The following ABCC4 variants were observed in gnomAD, a reference collection of about 807,000 sequenced individuals.
The protein encoded by ABCC4 is ATP-binding cassette sub-family C member 4.
In ABCC4, 102 loss-of-function variants were observed where a neutral mutation model predicts 168.5. That is an observed-to-expected ratio of 0.61 (90% confidence interval 0.52 to 0.71). The LOEUF (loss-of-function observed/expected upper bound fraction) is 0.71. Ranked by LOEUF, ABCC4 falls within the 30% of genes least tolerant of loss-of-function variation. The pLI is 0.00. For missense variants in ABCC4, 1,402 were observed against 1,605.8 expected (o/e 0.87, Z 2.17); for synonymous variants, 617 against 590.7 (o/e 1.04, Z -0.65).
At chr13:95,235,085 C>A (rs1471240687) in intron 3 of ABCC4, among the ~76,000 whole-genome samples, 1 of 151,570 alleles carries the variant, frequency 6.6e-6, no homozygotes, top group Non-Finnish European at 1.5e-5. Context: ...AAGACAGGGT[C>A]TCACTATGTT....
At chr13:95,233,102 T>C (rs2039668834) in intron 4 of ABCC4, among the ~76,000 whole-genome samples, 1 of 152,128 alleles carries the variant, frequency 6.6e-6, no homozygotes, top group Non-Finnish European at 1.5e-5. Context: ...AGTTATTTGT[T>C]TATAGTACCT....
intron 1 of ABCC4, among the ~76,000 whole-genome samples, chr13:95,270,670 G>C (rs896384288): frequency 6.6e-6 from 1 of 152,204 alleles, no homozygotes; most frequent in African/African-American, 2.4e-5. Context: ...GTCTGGGACA[G>C]AGCATGAGAA....
intron 21 of ABCC4, 88 bp from the exon 22 acceptor site, chr13:95,075,639 A>G (rs1407550286): frequency 1.3e-6 from 2 of 1,564,814 alleles, no homozygotes; most frequent in Non-Finnish European, 1.7e-6. Context: ...CGTATCCACC[A>G]AACAGCACAC....
At chr13:95,229,088 C>T (rs747349749) in intron 4 of ABCC4, among the ~76,000 whole-genome samples, 33 of 152,012 alleles carry the variant, frequency 2.2e-4, no homozygotes, top group Non-Finnish European at 3.4e-4. Flanking sequence ...GCATTTCCCC[C>T]CAAGTTACAG....
In ABCC4 at chr13:95,178,007, T is replaced by C; in HGVS notation, c.1630A>G (p.Asn544Asp). 6.2e-7 allele frequency: 1 copy of C among 1,614,156 alleles called. No homozygotes were observed. The highest frequency in any genetic ancestry group is 8.5e-7 in the Non-Finnish European group (1 of 1,180,002). ...TGAAATGCAACTTACCTTGCAAGGT[T>C]TACCCGTGCTTTCTGCCCTCCACTC... ...TLSGGQKARV[N>D]LARAVYQDAD... Residue 544 changes from asparagine to aspartate, a missense_variant, in exon 12 of 31, where the codon AAC becomes GAC. This residue lies in a region of ABCC4 where 1,007 missense variants were observed against 1,127.3 expected (regional missense o/e 0.89). Coordinates refer to ENST00000645237, the MANE Select transcript of ABCC4 (RefSeq NM_005845.5).
intron 3 of ABCC4, among the ~76,000 whole-genome samples, chr13:95,241,218 A>C (rs1175140146): frequency 2.0e-5 from 3 of 151,878 alleles, no homozygotes; most frequent in Admixed American, 6.6e-5. Flanking sequence ...CAAAAAAATT[A>C]GCTGGGTGTG....
chr13:95,163,336 CACTT>C (rs2037160393), intron 17 of ABCC4, 120 bp from the exon 18 acceptor site: 6 of 731,854 alleles, frequency 8.2e-6, no homozygotes, highest in Non-Finnish European at 1.4e-5. Flanking sequence ...ATTCTCAGCT[CACTT>C]AGTCTTGTGT....
At chr13:95,150,630 T>C (rs2036643782) in intron 19 of ABCC4, among the ~76,000 whole-genome samples, 2 of 152,160 alleles carry the variant, frequency 1.3e-5, no homozygotes, top group Non-Finnish European at 2.9e-5. Flanking sequence ...ATGAGAACAC[T>C]CAGTGAATCA....
intron 1 of ABCC4, among the ~76,000 whole-genome samples, chr13:95,282,952 C>T (rs530340843): frequency 5.3e-5 from 8 of 152,020 alleles, no homozygotes; most frequent in Admixed American, 3.9e-4. Flanking sequence ...GGCACAGTGG[C>T]TCAAGCCTGT....
chr13:95,053,525 T>G (rs930094878), intron 26 of ABCC4, among the ~76,000 whole-genome samples: 2 of 152,196 alleles, frequency 1.3e-5, no homozygotes, highest in African/African-American at 2.4e-5. Flanking sequence ...TCTACATGAA[T>G]AGAGCTATAG....
intron 1 of ABCC4, among the ~76,000 whole-genome samples, chr13:95,287,352 G>A (rs1391946021): frequency 6.6e-6 from 1 of 152,016 alleles, no homozygotes; most frequent in East Asian, 1.9e-4. Context: ...ACTTTGGGAG[G>A]CTAAGGTGGG....
chr13:95,190,795 T>C (rs1202038534), intron 9 of ABCC4, among the ~76,000 whole-genome samples: 1 of 152,218 alleles, frequency 6.6e-6, no homozygotes, highest in Non-Finnish European at 1.5e-5. Flanking sequence ...GAATTTCTCG[T>C]GGATAGATTG....
chr13:95,137,176 T>C (rs2036168580), intron 19 of ABCC4, among the ~76,000 whole-genome samples: 1 of 152,208 alleles, frequency 6.6e-6, no homozygotes, highest in Non-Finnish European at 1.5e-5. Flanking sequence ...AAAATGTCTA[T>C]TGGCCGCTTT....
At chr13:95,240,208 G>A (rs896009586) in intron 3 of ABCC4, among the ~76,000 whole-genome samples, 2 of 152,196 alleles carry the variant, frequency 1.3e-5, no homozygotes, top group African/African-American at 4.8e-5. Flanking sequence ...CTAGACCCTG[G>A]GAATCCGTGC....
At chr13:95,117,906 T>G (rs887670853) in intron 19 of ABCC4, among the ~76,000 whole-genome samples, 62 of 151,626 alleles carry the variant, frequency 4.1e-4, no homozygotes, top group African/African-American at 1.5e-3. Context: ...TAGCGAGACC[T>G]CATCTCTACA....
At chr13:95,218,927 GAGAA>G (rs71111597) in intron 4 of ABCC4, among the ~76,000 whole-genome samples, 1,898 of 42,250 alleles carry the variant, frequency 0.045, 47 homozygotes, top group East Asian at 0.12. Context: ...GAGAAAGAAA[GAGAA>G]AGAAAGAAAG....
intron 1 of ABCC4, among the ~76,000 whole-genome samples, chr13:95,253,775 T>G (rs1379177556): frequency 6.6e-6 from 1 of 151,866 alleles, no homozygotes; most frequent in African/African-American, 2.4e-5. Flanking sequence ...AAAACAAATT[T>G]AATATAAACT....
At chr13:95,254,634 T>C (rs2040350090) in intron 1 of ABCC4, among the ~76,000 whole-genome samples, 1 of 152,208 alleles carries the variant, frequency 6.6e-6, no homozygotes, top group Non-Finnish European at 1.5e-5. Context: ...GCCCATCCCT[T>C]CTTTGTCACT....
At chr13:95,098,134 T>TAA (rs66704412) in intron 20 of ABCC4, among the ~76,000 whole-genome samples, 24,154 of 113,804 alleles carry the variant, frequency 0.21, 2,866 homozygotes, top group Middle Eastern at 0.33. Context: ...AGATACTGTC[T>TAA]AAAAAAAAAA....
Sources: allele counts gnomAD v4.1 joint callset (sites outside exome capture counted in the v4.1 genomes callset), GRCh38; gene constraint gnomAD v4.1.1; regional missense constraint gnomAD v4.1.1; transcripts MANE v1.5; gene names NCBI Gene and HGNC (gene_info 2026-07-23, HGNC 2026-07-21).